The following TRPC5 variants were observed in gnomAD, a reference collection of about 807,000 sequenced individuals.
TRPC5 encodes the protein short transient receptor potential channel 5.
A neutral mutation model predicts 56.5 loss-of-function variants in TRPC5; 9 were observed. That is an observed-to-expected ratio of 0.16 (90% CI 0.10 to 0.28). The LOEUF is 0.28. Among genes scored for constraint, TRPC5 ranks in the 10% least tolerant of loss-of-function variants. The pLI is 1.00. For missense variants in TRPC5, 469 were observed against 748.9 expected, an observed-to-expected ratio of 0.63 and a Z score of 4.36; for synonymous variants, 282 against 278.5, an observed-to-expected ratio of 1.01 and a Z score of -0.13.
At chrX:111,779,703 G>C (rs1945905315) in intron 9 of TRPC5, among the ~76,000 whole-genome samples, 1 of 112,029 alleles carries the variant, frequency 8.9e-6, no homozygotes, top group African/African-American at 3.2e-5. Context: ...TCACAACTCT[G>C]TAAGTTAAGT....
intron 1 of TRPC5, among the ~76,000 whole-genome samples, chrX:112,067,381 T>C (rs970388559): frequency 8.9e-6 from 1 of 112,631 alleles, no homozygotes; most frequent in African/African-American, 3.2e-5. Context: ...ATATAGCTAA[T>C]AGCCTCAGTA....
chrX:111,885,545 T>G (rs901529863), intron 3 of TRPC5, among the ~76,000 whole-genome samples: 1 of 105,536 alleles, frequency 9.5e-6, no homozygotes, highest in African/African-American at 3.3e-5. Context: ...TCAAAGGGTT[T>G]TTTTTTTTTT....
At chrX:111,884,494 A>T (rs1266125044) in intron 3 of TRPC5, among the ~76,000 whole-genome samples, 1 of 112,870 alleles carries the variant, frequency 8.9e-6, no homozygotes, top group Admixed American at 9.3e-5. Context: ...GCCCAGTTTA[A>T]ACCTAGCCAT....
intron 2 of TRPC5, among the ~76,000 whole-genome samples, chrX:111,950,168 CA>C (rs757718243): frequency 2.7e-5 from 3 of 110,115 alleles, no homozygotes; most frequent in East Asian, 5.8e-4. Context: ...ACTACAAATA[CA>C]AAAAAATTAG....
rs1233764183 is a variant in TRPC5, at chrX:111,771,448, A to G, written c.*4865T>C. On this transcript the variant is annotated 3_prime_UTR_variant, in exon 11 of 11. Coordinates refer to ENST00000262839, the MANE Select transcript of TRPC5 (RefSeq NM_012471.3). ...TCAAGTACAAGATACAAATCCACTC[A>G]AGTTGGGGATAACACAAATACTGAG... 8.9e-6 allele frequency among the ~76,000 whole-genome samples: 1 copy of G among 111,839 alleles called. No homozygotes were observed. The highest frequency in any genetic ancestry group is 1.9e-5 in the Non-Finnish European group (1 of 53,185).
chrX:112,034,712 C>T (rs1449367001), intron 1 of TRPC5, among the ~76,000 whole-genome samples: 1 of 109,566 alleles, frequency 9.1e-6, no homozygotes, highest in Non-Finnish European at 1.9e-5. Flanking sequence ...TGTGTGTTTC[C>T]AGTAATTTTT....
At chrX:111,838,720 A>G (rs1042236084) in intron 6 of TRPC5, among the ~76,000 whole-genome samples, 1 of 111,913 alleles carries the variant, frequency 8.9e-6, no homozygotes, top group Non-Finnish European at 1.9e-5. Context: ...AGACAAATCC[A>G]TAACAGGTGG....
chrX:111,967,793 C>T (rs1361923542), intron 1 of TRPC5, among the ~76,000 whole-genome samples: 13 of 111,522 alleles, frequency 1.2e-4, no homozygotes, highest in Non-Finnish European at 2.3e-4. Context: ...AAACTGGATC[C>T]CTTCCTTACA....
intron 2 of TRPC5, among the ~76,000 whole-genome samples, chrX:111,943,615 G>A (rs1453094202): frequency 4.4e-5 from 5 of 112,509 alleles, no homozygotes; most frequent in Non-Finnish European, 9.4e-5. Flanking sequence ...GGTTGGCTTA[G>A]CCTCTTTTCA....
intron 3 of TRPC5, among the ~76,000 whole-genome samples, chrX:111,897,145 A>G (rs1925106078): frequency 9.0e-6 from 1 of 111,700 alleles, no homozygotes; most frequent in African/African-American, 3.2e-5. Context: ...TCCCATTCCT[A>G]AGATATCTCA....
intron 3 of TRPC5, among the ~76,000 whole-genome samples, chrX:111,867,751 G>A (rs898851470): frequency 2.4e-4 from 27 of 111,813 alleles, no homozygotes; most frequent in Admixed American, 2.9e-4. Flanking sequence ...CGCCTAGTGG[G>A]CATTTCTCTT....
chrX:111,904,656 C>A (rs1260579462), intron 3 of TRPC5, among the ~76,000 whole-genome samples: 2 of 110,954 alleles, frequency 1.8e-5, no homozygotes, highest in Middle Eastern at 4.6e-3. Context: ...GGAGAGAGAG[C>A]ATCAAGAATG....
intron 7 of TRPC5, among the ~76,000 whole-genome samples, chrX:111,791,107 T>G (rs1946017810): frequency 9.5e-6 from 1 of 105,187 alleles, no homozygotes; most frequent in African/African-American, 3.5e-5. Flanking sequence ...ATCCCACCTT[T>G]AGAACTCCCC....
At chrX:111,943,487 G>T (rs1603110547) in intron 2 of TRPC5, among the ~76,000 whole-genome samples, 1 of 111,992 alleles carries the variant, frequency 8.9e-6, no homozygotes, top group East Asian at 2.8e-4. Flanking sequence ...ACACTTATCA[G>T]TGTTGTTGAG....
intron 1 of TRPC5, among the ~76,000 whole-genome samples, chrX:112,005,923 C>T (rs1928830928): frequency 9.0e-6 from 1 of 111,644 alleles, no homozygotes; most frequent in South Asian, 3.8e-4. Flanking sequence ...TCCCCCAAGG[C>T]CGACCATGGG....
intron 1 of TRPC5, among the ~76,000 whole-genome samples, chrX:111,958,060 T>C (rs1401839415): frequency 8.9e-6 from 1 of 111,986 alleles, no homozygotes; most frequent in Non-Finnish European, 1.9e-5. Context: ...GATGTGGGTA[T>C]ATAAAACACA....
intron 3 of TRPC5, among the ~76,000 whole-genome samples, chrX:111,873,592 G>C (rs973095379): frequency 9.0e-6 from 1 of 110,577 alleles, no homozygotes; most frequent in Non-Finnish European, 1.9e-5. Context: ...AGAGCAGCCT[G>C]GCCAACATAG....
At chrX:111,937,240 ATGAGCCC>A (rs1926613308) in intron 2 of TRPC5, among the ~76,000 whole-genome samples, 1 of 105,593 alleles carries the variant, frequency 9.5e-6, no homozygotes, top group Non-Finnish European at 1.9e-5. Context: ...GATTCTGGAT[ATGAGCCC>A]TTTGTCAGAT....
intron 2 of TRPC5, among the ~76,000 whole-genome samples, chrX:111,920,768 T>A (rs193038684): frequency 1.1e-3 from 120 of 111,716 alleles, no homozygotes; most frequent in African/African-American, 3.7e-3. Context: ...TTAAGTTTGG[T>A]GAAGGTCTTT....
Sources: gnomAD v4.1 joint callset for allele counts (sites outside exome capture counted in the v4.1 genomes callset) on GRCh38, gnomAD v4.1.1 for gene constraint, MANE v1.5 for transcripts, NCBI Gene and HGNC (gene_info 2026-07-23, HGNC 2026-07-21) for gene names.